The following CACNG2 variants were observed in gnomAD, a reference collection of about 807,000 sequenced individuals.
CACNG2 encodes calcium voltage-gated channel auxiliary subunit gamma 2, also known as voltage-dependent calcium channel gamma-2 subunit.
CACNG2 carries 3 observed loss-of-function variants against 25.9 expected under a neutral mutation model. The observed-to-expected ratio is 0.12, with a 90% confidence interval of 0.05 to 0.30. CACNG2 has a LOEUF of 0.30. CACNG2 is among the 10% of genes least tolerant of loss of function. CACNG2 has a pLI of 1.00. For synonymous variants in CACNG2, 167 were observed against 173.3 expected, an observed-to-expected ratio of 0.96 and a Z score of 0.29; for missense variants, 341 against 432.5, an observed-to-expected ratio of 0.79 and a Z score of 1.88.
At chr22:36,699,237 TCACACACACACA>T (rs3076293) in intron 1 of CACNG2, among the ~76,000 whole-genome samples, 4 of 141,800 alleles carry the variant, frequency 2.8e-5, no homozygotes, top group East Asian at 4.2e-4. Flanking sequence ...GATTTCAAGT[TCACACACACACA>T]CACACACACA....
chr22:36,646,774 C>CT (rs1417660412), intron 1 of CACNG2, among the ~76,000 whole-genome samples: 6 of 151,764 alleles, frequency 4.0e-5, no homozygotes, highest in Admixed American at 3.9e-4. Context: ...ACCCTCCCAG[C>CT]TGCAGACATT....
At chr22:36,597,513 A>G (rs970532944) in intron 1 of CACNG2, among the ~76,000 whole-genome samples, 3 of 152,228 alleles carry the variant, frequency 2.0e-5, no homozygotes, top group Non-Finnish European at 1.5e-5. Context: ...AAGGGGATTA[A>G]CTTTGAAGAC....
intron 1 of CACNG2, among the ~76,000 whole-genome samples, chr22:36,634,933 G>A (rs1170862149): frequency 1.3e-5 from 2 of 152,190 alleles, no homozygotes; most frequent in African/African-American, 4.8e-5. Context: ...GGTTAGGGAA[G>A]ACTTAATAAA....
chr22:36,660,954 T>C (rs1297328708), intron 1 of CACNG2, among the ~76,000 whole-genome samples: 2 of 152,190 alleles, frequency 1.3e-5, no homozygotes, highest in Non-Finnish European at 1.5e-5. Flanking sequence ...TGAGATACAG[T>C]GGCAGTACCC....
intron 1 of CACNG2, among the ~76,000 whole-genome samples, chr22:36,681,268 T>C (rs1448849115): frequency 2.0e-5 from 3 of 152,324 alleles, no homozygotes; most frequent in Admixed American, 2.0e-4. Context: ...CCTTAGAATA[T>C]AGAGAATGCT....
rs200600420 is a variant in CACNG2, at chr22:36,645,536, C to CAAA, written c.211+56827_211+56829dup. 1.5e-3 allele frequency among the ~76,000 whole-genome samples: 204 copies of CAAA among 134,762 alleles called. 3 individuals carry two copies. Among genetic ancestry groups the CAAA allele is most frequent in the East Asian group, 2.7e-3 (13 of 4,776 alleles). 88.4% of individuals were successfully genotyped at this position (134,762 alleles called of 152,430 possible). ...TGGGCGACAGAGCAAGACTCTGTCT[C>CAAA]AAAAAAAAAAAAAAAAAAAAAAAAA... On this transcript the variant is annotated intron_variant, in intron 1 of 3. Transcript: ENST00000300105.
intron 1 of CACNG2, among the ~76,000 whole-genome samples, chr22:36,599,128 T>C (rs1312498724): frequency 6.6e-6 from 1 of 152,180 alleles, no homozygotes; most frequent in Non-Finnish European, 1.5e-5. Flanking sequence ...ACAACAAACT[T>C]GGAATAGCCC....
chr22:36,623,020 T>A (rs1226928084), intron 1 of CACNG2, among the ~76,000 whole-genome samples: 3 of 138,354 alleles, frequency 2.2e-5, no homozygotes, highest in African/African-American at 5.3e-5. Context: ...GGGTTTTTTT[T>A]TTTTTTTTTT....
chr22:36,687,300 A>G (rs1358556682), intron 1 of CACNG2, among the ~76,000 whole-genome samples: 1 of 152,194 alleles, frequency 6.6e-6, no homozygotes, highest in African/African-American at 2.4e-5. Context: ...TGTTTAAGAC[A>G]CTGCTCATTT....
rs573729981 is a variant in CACNG2, at chr22:36,639,439, G to A, written c.212-51891C>T. On this transcript the variant is annotated intron_variant, in intron 1 of 3. Transcript: ENST00000300105. ...GGGTAGAGGGAAGTGTGAGAGCAAA[G>A]AGGGACTTATGTGGGTCTGGGATTG... Among the ~76,000 whole-genome samples the A allele has an allele frequency of 1.3e-5, 2 of 152,148 alleles. 1 individual carries two copies. The highest frequency in any genetic ancestry group is 4.1e-4 in the South Asian group (2 of 4,826).
At chr22:36,578,345 G>A (rs544921391) in intron 2 of CACNG2, among the ~76,000 whole-genome samples, 2 of 128,516 alleles carry the variant, frequency 1.6e-5, no homozygotes, top group Non-Finnish European at 3.2e-5. Context: ...GTGACAGAGC[G>A]AGACTCAATC....
chr22:36,648,708 T>G (rs1936564937), intron 1 of CACNG2, among the ~76,000 whole-genome samples: 2 of 152,196 alleles, frequency 1.3e-5, no homozygotes, highest in Admixed American at 6.5e-5. Context: ...CCCTTTGCCA[T>G]CTCAGTAAAC....
intron 1 of CACNG2, among the ~76,000 whole-genome samples, chr22:36,680,261 C>CCACCACCAT (rs1178516384): frequency 6.6e-6 from 1 of 151,458 alleles, no homozygotes; most frequent in Non-Finnish European, 1.5e-5. Flanking sequence ...ATCATCAACA[C>CCACCACCAT]CACCACCATC....
chr22:36,665,790 C>G (rs998569533), intron 1 of CACNG2, among the ~76,000 whole-genome samples: 6 of 152,168 alleles, frequency 3.9e-5, no homozygotes, highest in African/African-American at 1.4e-4. Flanking sequence ...CCCTTGTGCA[C>G]TGTTGGTGAG....
At position 36,597,526 on chromosome 22, in the gene CACNG2, G is replaced by A. The variant is rs140344712; in HGVS notation, c.212-9978C>T. ...GTAAGGGGATTAACTTTGAAGACTC[G>A]ATGAAATAACAGAAGTGAAGGGCCC... is the stretch of plus-strand genomic sequence containing the variant. On this transcript the variant is annotated intron_variant, in intron 1 of 3. Transcript: ENST00000300105. 2.6e-3 allele frequency among the ~76,000 whole-genome samples: 393 copies of A among 152,286 alleles called. 7 individuals are homozygous for A. Among genetic ancestry groups the A allele is most frequent in the Admixed American group, 0.016 (252 of 15,300 alleles).
At chr22:36,697,940 C>A (rs1420695309) in intron 1 of CACNG2, among the ~76,000 whole-genome samples, 1 of 152,116 alleles carries the variant, frequency 6.6e-6, no homozygotes, top group Non-Finnish European at 1.5e-5. Context: ...AGGCTGTGTG[C>A]ATGGATCATT....
Position 36,703,708 on chromosome 22 carries a change from G to A in CACNG2, c.-1132C>T, listed in dbSNP as rs1392655509. The A allele has an allele frequency of 1.3e-5, 2 of 151,620 alleles. No individual in the cohort carries two copies. Among genetic ancestry groups the A allele is most frequent in the African/African-American group, 4.9e-5 (2 of 41,156 alleles). 9.4% of individuals were successfully genotyped at this position (151,620 alleles called of 1,614,324 possible). A position where few individuals can be genotyped will look rare whatever the true frequency, so the allele number is the denominator to read the frequency against. Reference sequence around the variant, plus strand: ...CCCTCTCCCAAATCCTAAAATGAGCGCTCTCCTGGGCTCCCGGAGCTTAGA... The same window carrying A: ...CCCTCTCCCAAATCCTAAAATGAGCACTCTCCTGGGCTCCCGGAGCTTAGA... On this transcript the variant is annotated 5_prime_UTR_variant, in exon 1 of 4. Transcript: ENST00000300105.
In CACNG2 at chr22:36,563,480, C is replaced by G. The variant is rs1409350292; in HGVS notation, c.*871G>C. On this transcript the variant is annotated 3_prime_UTR_variant, in exon 4 of 4. Coordinates refer to ENST00000300105, the MANE Select transcript of CACNG2 (RefSeq NM_006078.5). ...GGCATCTTGGTAAGCCACCGGCAGC[C>G]TCCCCTCTCCTTCCCTTTCCTCAAG... 6.6e-6 allele frequency among the ~76,000 whole-genome samples: 1 copy of G among 152,168 alleles called. No homozygotes were observed. Among genetic ancestry groups the G allele is most frequent in the Non-Finnish European group, 1.5e-5 (1 of 67,996 alleles).
chr22:36,655,825 G>A, intron 1 of CACNG2, among the ~76,000 whole-genome samples: 1 of 61,010 alleles, frequency 1.6e-5, no homozygotes, highest in African/African-American at 6.4e-5. Flanking sequence ...TTTTTTTTTT[G>A]AGACAGAGTT....
Sources: allele counts gnomAD v4.1 joint callset (sites outside exome capture counted in the v4.1 genomes callset), GRCh38; gene constraint gnomAD v4.1.1; transcripts MANE v1.5; gene names NCBI Gene and HGNC (gene_info 2026-07-23, HGNC 2026-07-21).